The following TTC6 variants were observed in gnomAD, a reference collection of about 807,000 sequenced individuals.
TTC6 encodes the protein tetratricopeptide repeat domain 6.
Under a neutral mutation model 210.4 loss-of-function variants are expected in TTC6, and 172 were observed. The observed-to-expected ratio is 0.82, with a 90% CI of 0.72 to 0.93. The LOEUF (loss-of-function observed/expected upper bound fraction) is 0.93, where lower values mean the gene tolerates loss of function less well. Among genes scored for constraint, TTC6 ranks in the 40% least tolerant of loss-of-function variants. The probability of loss-of-function intolerance (pLI) is 0.00; values close to 1 mark genes in which losing one functional copy is unlikely to be tolerated. For missense variants in TTC6, 2,414 were observed against 2,318.1 expected (o/e 1.04, Z -0.85); for synonymous variants, 804 against 819.6 (o/e 0.98, Z 0.32).
At position 37,744,880 on chromosome 14, in the gene TTC6, G is replaced by T. The variant is rs575249486; in HGVS notation, c.2364-4059G>T. On this transcript the variant is annotated intron_variant, in intron 10 of 30. Transcript: ENST00000553443. ...TTAGAAAGCTGTTGAAATAATCTAG[G>T]TGAGAAATAGTTTCTTGGTTTGGGG... Among the ~76,000 whole-genome samples the T allele has an allele frequency of 1.3e-4, 20 of 152,162 alleles. No homozygotes were observed. In the East Asian group the frequency reaches 3.7e-3, roughly 28 times the overall value.
At chr14:37,718,588 T>C (rs1343809962) in intron 6 of TTC6, among the ~76,000 whole-genome samples, 1 of 152,066 alleles carries the variant, frequency 6.6e-6, no homozygotes, top group Non-Finnish European at 1.5e-5. Flanking sequence ...AAAGAAGCAA[T>C]ACAGCTGCCC....
intron 29 of TTC6, among the ~76,000 whole-genome samples, chr14:37,831,154 T>C (rs969634030): frequency 1.3e-5 from 2 of 152,088 alleles, no homozygotes; most frequent in Non-Finnish European, 2.9e-5. Flanking sequence ...TTTTTAAGCC[T>C]CCAAATATGA....
At chr14:37,722,510 G>C (rs1279732476) in intron 6 of TTC6, among the ~76,000 whole-genome samples, 1 of 152,072 alleles carries the variant, frequency 6.6e-6, no homozygotes, top group Non-Finnish European at 1.5e-5. Context: ...ATTACACCTG[G>C]CTAATTTTTA....
rs138010035 is a variant in TTC6 at position 37,787,663 on chromosome 14, A to C, written c.3436+26A>C. The stretch of plus-strand genomic sequence containing the variant: ...GTACTTTGCCTTCAATTACATGTAT[A>C]TAGCAACCCAATCTGAGATTCAACA... On this transcript the variant is annotated intron_variant, in intron 15 of 30. Coordinates refer to ENST00000553443, the Ensembl canonical transcript of TTC6. 7 of 1,404,614 alleles carry C rather than the reference A, an allele frequency of 5.0e-6. No homozygotes were observed. The South Asian group carries it at 1.0e-4, about 20-fold the overall frequency. The allele number at this position is 1,404,614 out of a possible 1,614,324, so 87.0% of individuals were successfully genotyped here.
chr14:37,795,221 G>A (rs1310577100), intron 17 of TTC6, 49 bp from the exon 20 acceptor site: 6 of 1,291,810 alleles, frequency 4.6e-6, no homozygotes, highest in East Asian at 2.6e-5. Flanking sequence ...TATCAGAAAG[G>A]AAGCAATCGA....
intron 1 of TTC6, among the ~76,000 whole-genome samples, chr14:37,653,438 T>C (rs1273264787): frequency 6.6e-6 from 1 of 152,214 alleles, no homozygotes; most frequent in African/African-American, 2.4e-5. Flanking sequence ...CTGATTGTCT[T>C]ATTTTTATAT....
intron 6 of TTC6, among the ~76,000 whole-genome samples, chr14:37,723,220 GCCC>G (rs1040490310): frequency 2.0e-5 from 3 of 151,716 alleles, no homozygotes; most frequent in Non-Finnish European, 4.4e-5. Context: ...CATATTTCCT[GCCC>G]CAGTCCTAGA....
At chr14:37,784,071 T>G (rs1465900184) in intron 14 of TTC6, among the ~76,000 whole-genome samples, 2 of 152,228 alleles carry the variant, frequency 1.3e-5, no homozygotes, top group Non-Finnish European at 2.9e-5. Context: ...AATTTTGGAA[T>G]AAGTCCGATG....
intron 6 of TTC6, among the ~76,000 whole-genome samples, chr14:37,716,591 C>G (rs779104547): frequency 6.6e-6 from 1 of 151,936 alleles, no homozygotes; most frequent in Non-Finnish European, 1.5e-5. Flanking sequence ...CACAAAGGGG[C>G]ATTATATTAT....
At position 37,760,277 on chromosome 14, in the gene TTC6, C is replaced by T. The variant is rs141764355; in HGVS notation, c.3266+7042C>T. On this transcript the variant is annotated intron_variant, in intron 14 of 30. Transcript: ENST00000553443. Reference sequence around the variant, plus strand: ...AGGCCCCTGTTCTGTAGGTCTGCTGCAGTTTGCTGGAGGTTCACTTCAGAA... The same window carrying T: ...AGGCCCCTGTTCTGTAGGTCTGCTGTAGTTTGCTGGAGGTTCACTTCAGAA... 2.4e-3 allele frequency among the ~76,000 whole-genome samples: 367 copies of T among 152,222 alleles called. 1 individual carries two copies. Among genetic ancestry groups the T allele is most frequent in the African/African-American group, 7.9e-3 (330 of 41,538 alleles).
At chr14:37,656,766 G>C (rs572018993) in intron 1 of TTC6, among the ~76,000 whole-genome samples, 24 of 152,014 alleles carry the variant, frequency 1.6e-4, no homozygotes, top group Non-Finnish European at 3.4e-4. Context: ...CCTCCTTTTT[G>C]GCATTTTCAG....
At chr14:37,816,952 A>C (rs966104993) in intron 25 of TTC6, among the ~76,000 whole-genome samples, 2 of 152,060 alleles carry the variant, frequency 1.3e-5, no homozygotes, top group African/African-American at 2.4e-5. Flanking sequence ...GCCTCTTCCT[A>C]GGGGCCACTG....
intron 21 of TTC6, among the ~76,000 whole-genome samples, chr14:37,806,057 G>A (rs1410330807): frequency 6.6e-6 from 1 of 152,030 alleles, no homozygotes; most frequent in Non-Finnish European, 1.5e-5. Context: ...TAAATGTGCT[G>A]GTTGTGATTT....
chr14:37,790,749 T>G (rs1386343249), exon 16 of TTC6: 13 of 1,534,632 alleles, frequency 8.5e-6, no homozygotes, highest in Non-Finnish European at 1.1e-5. Flanking sequence ...GAATCTTGGT[T>G]GTTTTCTACA....
At chr14:37,812,394 C>T in exon 25 of TTC6, 5 of 1,613,044 alleles carry the variant, frequency 3.1e-6, no homozygotes, top group South Asian at 1.1e-5. Context: ...ATCGTGGACT[C>T]ATCTACGTAG....
chr14:37,650,524 C>T (rs1240582927), intron 1 of TTC6, among the ~76,000 whole-genome samples: 1 of 152,126 alleles, frequency 6.6e-6, no homozygotes, highest in Non-Finnish European at 1.5e-5. Context: ...AAGTAAATAG[C>T]CTCCAAGGGA....
At chr14:37,629,133 T>C (rs1347209399) in intron 1 of TTC6, among the ~76,000 whole-genome samples, 1 of 152,212 alleles carries the variant, frequency 6.6e-6, no homozygotes, top group Non-Finnish European at 1.5e-5. Context: ...TTTTTTCTAG[T>C]TCTTTGAAGA....
intron 7 of TTC6, among the ~76,000 whole-genome samples, chr14:37,730,536 T>A (rs1475895792): frequency 6.6e-6 from 1 of 152,208 alleles, no homozygotes; most frequent in East Asian, 1.9e-4. Flanking sequence ...TTACATAGAT[T>A]TAACTATGTT....
At chr14:37,670,969 T>C (rs1010714561) in intron 1 of TTC6, among the ~76,000 whole-genome samples, 1 of 152,172 alleles carries the variant, frequency 6.6e-6, no homozygotes, top group Non-Finnish European at 1.5e-5. Flanking sequence ...TTTAAAGTTA[T>C]TTATTTCTGT....
Sources: gnomAD v4.1 joint callset for allele counts (sites outside exome capture counted in the v4.1 genomes callset) on GRCh38, gnomAD v4.1.1 for gene constraint, MANE v1.5 for transcripts, NCBI Gene and HGNC (gene_info 2026-07-23, HGNC 2026-07-21) for gene names.